DLG2: variants seen among roughly 807,000 people sequenced by gnomAD.
DLG2 encodes disks large homolog 2.
In DLG2, 45 loss-of-function variants were observed where a neutral mutation model predicts 132.5. The ratio of observed to expected loss-of-function variants is 0.34; its 90% CI spans 0.27 to 0.44. DLG2 has a LOEUF of 0.44. Among genes scored for constraint, DLG2 ranks in the 20% least tolerant of loss-of-function variants. The pLI is 1.00. For synonymous variants in DLG2, 424 were observed against 419.6 expected (o/e 1.01, Z -0.13); for missense variants, 1,045 against 1,196.9 (o/e 0.87, Z 1.87).
intron 4 of DLG2, among the ~76,000 whole-genome samples, chr11:85,176,772 A>G (rs1440684567): frequency 6.6e-6 from 1 of 152,162 alleles, no homozygotes; most frequent in Admixed American, 6.5e-5. Context: ...ACAAGAAAAA[A>G]CAACTCAATT....
At chr11:84,387,057 C>T (rs949859556) in intron 7 of DLG2, among the ~76,000 whole-genome samples, 12 of 151,994 alleles carry the variant, frequency 7.9e-5, no homozygotes, top group African/African-American at 1.9e-4. Context: ...GTACTCATGT[C>T]GTTTTGGAAC....
At chr11:85,386,949 C>G (rs1041838278) in intron 3 of DLG2, among the ~76,000 whole-genome samples, 10 of 149,246 alleles carry the variant, frequency 6.7e-5, no homozygotes, top group Non-Finnish European at 3.0e-5. Context: ...GGCTGGAGTG[C>G]AATGGTGTGC....
chr11:84,459,359 A>T (rs1207602132), intron 7 of DLG2, among the ~76,000 whole-genome samples: 3 of 150,708 alleles, frequency 2.0e-5, no homozygotes, highest in Non-Finnish European at 4.5e-5. Flanking sequence ...TTACTGTTAT[A>T]CCTTTTGACA....
intron 17 of DLG2, among the ~76,000 whole-genome samples, chr11:83,793,719 A>G (rs1029469369): frequency 6.6e-6 from 1 of 152,158 alleles, no homozygotes; most frequent in Non-Finnish European, 1.5e-5. Flanking sequence ...GAGTATACCT[A>G]CCTACCTACC....
At chr11:84,074,610 C>T (rs951604881) in intron 10 of DLG2, among the ~76,000 whole-genome samples, 1 of 150,970 alleles carries the variant, frequency 6.6e-6, no homozygotes, top group Non-Finnish European at 1.5e-5. Context: ...CTCACTGCAA[C>T]CTCCGCCTCC....
intron 5 of DLG2, among the ~76,000 whole-genome samples, chr11:85,151,669 G>C (rs759062577): frequency 4.6e-5 from 7 of 152,078 alleles, no homozygotes; most frequent in Admixed American, 2.0e-4. Flanking sequence ...GGTAGTCCTA[G>C]CTCCCTTATT....
At chr11:85,434,524 C>T (rs1272878449) in intron 3 of DLG2, among the ~76,000 whole-genome samples, 1 of 151,938 alleles carries the variant, frequency 6.6e-6, no homozygotes, top group African/African-American at 2.4e-5. Context: ...TACAAACTAC[C>T]ATCAGAGAAT....
chr11:84,083,871 C>T (rs1250774761), intron 10 of DLG2, among the ~76,000 whole-genome samples: 1 of 151,892 alleles, frequency 6.6e-6, no homozygotes, highest in Non-Finnish European at 1.5e-5. Flanking sequence ...AAGAGAATAC[C>T]TATTTATTTT....
intron 18 of DLG2, among the ~76,000 whole-genome samples, chr11:83,719,489 T>G (rs1315939529): frequency 6.6e-6 from 1 of 152,206 alleles, no homozygotes; most frequent in Non-Finnish European, 1.5e-5. Flanking sequence ...CACCAGCATC[T>G]GCTTCTGGTG....
At chr11:84,080,571 A>G (rs1293564617) in intron 10 of DLG2, among the ~76,000 whole-genome samples, 1 of 152,248 alleles carries the variant, frequency 6.6e-6, no homozygotes, top group Non-Finnish European at 1.5e-5. Context: ...ATGATGATGT[A>G]TATTATTATG....
rs557700441 is a variant in DLG2, at chr11:85,112,835, G to C, written c.283-1100C>G. Among the ~76,000 whole-genome samples the C allele has an allele frequency of 5.9e-5, 9 of 152,114 alleles. No individual in the cohort carries two copies. The South Asian group carries it at 1.2e-3, about 21-fold the overall frequency. ...CTTTCTTTTATGAGAAGTTGCCTCT[G>C]TTATTTTAGACTGTCTCTTTAATGG... On this transcript the variant is annotated intron_variant, in intron 5 of 27. Coordinates refer to ENST00000376104, the MANE Select transcript of DLG2 (RefSeq NM_001142699.3).
chr11:84,758,272 A>G (rs1775553217), intron 6 of DLG2, among the ~76,000 whole-genome samples: 1 of 152,204 alleles, frequency 6.6e-6, no homozygotes, highest in African/African-American at 2.4e-5. Flanking sequence ...CTTTGTAACA[A>G]CAAGCTATGT....
chr11:84,425,671 C>T (rs1017863476), intron 7 of DLG2, among the ~76,000 whole-genome samples: 2 of 152,060 alleles, frequency 1.3e-5, no homozygotes, highest in African/African-American at 4.8e-5. Context: ...CCTACAACAT[C>T]CCCTATCCTT....
chr11:83,777,858 C>T (rs715859), intron 18 of DLG2, among the ~76,000 whole-genome samples: 67,849 of 151,918 alleles, frequency 0.45, 15,586 homozygotes, highest in Middle Eastern at 0.6. Flanking sequence ...ATGTTTTAAT[C>T]AGAAGACACA....
At chr11:84,378,223 CA>C (rs1202790125) in intron 7 of DLG2, among the ~76,000 whole-genome samples, 2 of 152,136 alleles carry the variant, frequency 1.3e-5, no homozygotes, top group African/African-American at 2.4e-5. Flanking sequence ...GAAGAGACAT[CA>C]GGGGGCTGGT....
At chr11:84,945,685 C>T (rs574071159) in intron 6 of DLG2, among the ~76,000 whole-genome samples, 1 of 152,228 alleles carries the variant, frequency 6.6e-6, no homozygotes, top group African/African-American at 2.4e-5. Flanking sequence ...CAGGGCACGT[C>T]CAGAAATGCC....
At chr11:84,801,179 T>C (rs2075324165) in intron 6 of DLG2, among the ~76,000 whole-genome samples, 1 of 152,194 alleles carries the variant, frequency 6.6e-6, no homozygotes, top group Non-Finnish European at 1.5e-5. Context: ...AACTTCACAG[T>C]ATGTATGAGT....
At chr11:85,180,297 T>C (rs2079603367) in intron 4 of DLG2, among the ~76,000 whole-genome samples, 1 of 151,876 alleles carries the variant, frequency 6.6e-6, no homozygotes, top group Non-Finnish European at 1.5e-5. Flanking sequence ...TATTCTGTTC[T>C]TTATATATTT....
chr11:85,183,540 G>T (rs970287802), intron 4 of DLG2, among the ~76,000 whole-genome samples: 1 of 151,854 alleles, frequency 6.6e-6, no homozygotes, highest in South Asian at 2.1e-4. Context: ...ACCATTGCCA[G>T]GGGGATTTAT....
Sources: gnomAD v4.1 joint callset for allele counts (sites outside exome capture counted in the v4.1 genomes callset) on GRCh38, gnomAD v4.1.1 for gene constraint, MANE v1.5 for transcripts, NCBI Gene and HGNC (gene_info 2026-07-23, HGNC 2026-07-21) for gene names.